The following CHD7 variants were observed in gnomAD, a reference collection of about 807,000 sequenced individuals.
CHD7 encodes chromodomain helicase DNA binding protein 7, also known as ATP-dependent chromatin remodeler CHD7.
Under a neutral mutation model 307.3 loss-of-function variants are expected in CHD7, and 24 were observed. The ratio of observed to expected loss-of-function variants is 0.08; its 90% CI spans 0.06 to 0.11. CHD7 has a LOEUF of 0.11. CHD7 is among the 10% of genes least tolerant of loss of function. The probability of loss-of-function intolerance (pLI) is 1.00; values close to 1 mark genes in which losing one functional copy is unlikely to be tolerated. For synonymous variants in CHD7, 1,363 were observed against 1,349.9 expected, an observed-to-expected ratio of 1.01 and a Z score of -0.21; for missense variants, 3,106 against 3,727.1, an observed-to-expected ratio of 0.83 and a Z score of 4.34.
intron 1 of CHD7, among the ~76,000 whole-genome samples, chr8:60,735,096 G>A (rs1022340173): frequency 7.9e-5 from 12 of 152,176 alleles, no homozygotes; most frequent in African/African-American, 2.4e-4. Flanking sequence ...GTACTGGGGC[G>A]TTTATTCAAA....
At chr8:60,755,242 AAAAT>A (rs1809833290) in intron 2 of CHD7, among the ~76,000 whole-genome samples, 1 of 152,240 alleles carries the variant, frequency 6.6e-6, no homozygotes, top group South Asian at 2.1e-4. Flanking sequence ...TAAATTTTAA[AAAAT>A]AAGAAGGCAG....
At chr8:60,780,657 G>GT (rs1194165296) in intron 2 of CHD7, among the ~76,000 whole-genome samples, 1 of 152,138 alleles carries the variant, frequency 6.6e-6, no homozygotes, top group African/African-American at 2.4e-5. Flanking sequence ...TGTATTCTTT[G>GT]TGGCTTAGTC....
chr8:60,841,288 T>C (rs982118758), intron 19 of CHD7, among the ~76,000 whole-genome samples: 16 of 152,238 alleles, frequency 1.1e-4, no homozygotes, highest in African/African-American at 3.9e-4. Flanking sequence ...CTTTCCTGTT[T>C]TATAAATGTT....
intron 3 of CHD7, among the ~76,000 whole-genome samples, chr8:60,785,609 C>T (rs979835845): frequency 6.6e-6 from 1 of 152,172 alleles, no homozygotes; most frequent in African/African-American, 2.4e-5. Flanking sequence ...AATACTTTTA[C>T]TCAGCCACCA....
intron 4 of CHD7, among the ~76,000 whole-genome samples, chr8:60,798,474 A>G (rs1323561700): frequency 6.6e-6 from 1 of 152,210 alleles, no homozygotes; most frequent in Non-Finnish European, 1.5e-5. Flanking sequence ...GAACTGTCTC[A>G]AATCCCTTTT....
chr8:60,820,464 T>G (rs1233465373), intron 9 of CHD7, among the ~76,000 whole-genome samples: 2 of 152,246 alleles, frequency 1.3e-5, no homozygotes, highest in Non-Finnish European at 2.9e-5. Flanking sequence ...TAAGGTTATT[T>G]AGAATTGGGC....
At chr8:60,719,671 C>T (rs1196402935) in intron 1 of CHD7, among the ~76,000 whole-genome samples, 1 of 152,116 alleles carries the variant, frequency 6.6e-6, no homozygotes, top group Non-Finnish European at 1.5e-5. Flanking sequence ...AGCTCCAGCA[C>T]TGGGGGACCC....
In CHD7 at chr8:60,856,789, G is replaced by A; in HGVS notation, c.7509G>A (p.Val2503=). 1 of 1,611,028 alleles carries A rather than the reference G, an allele frequency of 6.2e-7. No individual in the cohort carries two copies. The highest frequency in any genetic ancestry group is 1.1e-5 in the South Asian group (1 of 90,692). ...PTRHLLNGSL[V]DGEPPMKRRR... The stretch of plus-strand genomic sequence containing the variant: ...GGCATCTCCTTAATGGCTCCCTAGT[G>A]GATGGAGAGCCTCCCATGAAGAGGA... The change falls in exon 34 of 38, where the codon GTG becomes GTA. Residue 2503 remains valine (V), a synonymous_variant. Coordinates refer to ENST00000423902, the MANE Select transcript of CHD7 (RefSeq NM_017780.4).
intron 1 of CHD7, among the ~76,000 whole-genome samples, chr8:60,728,683 A>C (rs749842736): frequency 6.6e-6 from 1 of 152,220 alleles, no homozygotes; most frequent in Non-Finnish European, 1.5e-5. Flanking sequence ...GGGGACATTG[A>C]AATGGTTTAT....
chr8:60,680,638 T>TG (rs1022467460), intron 1 of CHD7, among the ~76,000 whole-genome samples: 8 of 152,166 alleles, frequency 5.3e-5, no homozygotes, highest in African/African-American at 1.9e-4. Context: ...GCTCCTGCTA[T>TG]GGGTCGGACT....
At chr8:60,715,312 A>C (rs1252854211) in intron 1 of CHD7, among the ~76,000 whole-genome samples, 1 of 149,580 alleles carries the variant, frequency 6.7e-6, no homozygotes, top group Non-Finnish European at 1.5e-5. Flanking sequence ...TTTCCAGCAC[A>C]CAGAGGGCTC....
chr8:60,805,431 T>G (rs1812491894), intron 6 of CHD7, among the ~76,000 whole-genome samples: 1 of 152,196 alleles, frequency 6.6e-6, no homozygotes. Context: ...GACACTTCTG[T>G]ACCAGCTCCA....
At chr8:60,808,025 C>A (rs563257974) in intron 6 of CHD7, among the ~76,000 whole-genome samples, 192 bp from the exon 7 acceptor site, 1 of 152,232 alleles carries the variant, frequency 6.6e-6, no homozygotes, top group African/African-American at 2.4e-5. Context: ...AGCAGAGGTG[C>A]GTGCATGGGC....
At chr8:60,800,328 G>A (rs1586350504) in intron 4 of CHD7, 60 bp from the exon 5 acceptor site, 8 of 1,562,454 alleles carry the variant, frequency 5.1e-6, no homozygotes, top group South Asian at 2.3e-5. Context: ...CACTGCGCTC[G>A]GCCACATTTT....
chr8:60,724,649 CCTT>C (rs1808080045), intron 1 of CHD7, among the ~76,000 whole-genome samples: 1 of 152,146 alleles, frequency 6.6e-6, no homozygotes, highest in Admixed American at 6.5e-5. Context: ...CCAAATTTCT[CCTT>C]TTTTCTGCAT....
At chr8:60,808,996 C>T (rs931567578) in intron 7 of CHD7, 1 of 152,030 alleles carries the variant, frequency 6.6e-6, no homozygotes, top group African/African-American at 2.4e-5. Context: ...TCTTTTTTAC[C>T]CCTTTTAAGG....
At chr8:60,779,064 A>G (rs996943236) in intron 2 of CHD7, among the ~76,000 whole-genome samples, 1 of 152,192 alleles carries the variant, frequency 6.6e-6, no homozygotes, top group Non-Finnish European at 1.5e-5. Flanking sequence ...CTCTTTTTTC[A>G]GCCTCATTCT....
chr8:60,862,616 A>G lies in CHD7; in HGVS notation c.8040A>G (p.Ala2680=), dbSNP rs576905094. The G allele has an allele frequency of 1.2e-5, 19 of 1,572,032 alleles. No homozygotes were observed. The East Asian group carries it at 4.2e-4, about 35-fold the overall frequency. ...PRWLEENPEF[A]VAPDWTDIVK... Reference sequence around the variant, plus strand: ...GGCTGGAAGAAAATCCTGAATTTGCAGTTGCTCCAGACTGGACTGATATAG... The same window carrying G: ...GGCTGGAAGAAAATCCTGAATTTGCGGTTGCTCCAGACTGGACTGATATAG... The change falls in exon 37 of 38, where the codon GCA becomes GCG. Residue 2680 remains alanine (A), a synonymous_variant. Transcript: ENST00000423902.
At chr8:60,749,433 A>G (rs1809518949) in intron 2 of CHD7, among the ~76,000 whole-genome samples, 1 of 150,256 alleles carries the variant, frequency 6.7e-6, no homozygotes, top group South Asian at 2.1e-4. Flanking sequence ...GTAATTGGCA[A>G]CTAAGTAAAT....
Sources: allele counts gnomAD v4.1 joint callset (sites outside exome capture counted in the v4.1 genomes callset), GRCh38; gene constraint gnomAD v4.1.1; transcripts MANE v1.5; gene names NCBI Gene and HGNC (gene_info 2026-07-23, HGNC 2026-07-21).